The following PARP2 variants were observed in gnomAD, a reference collection of about 807,000 sequenced individuals.
PARP2 encodes the protein poly [ADP-ribose] polymerase 2.
PARP2 carries 57 observed loss-of-function variants against 77.8 expected under a neutral mutation model. That is an observed-to-expected ratio of 0.73 (90% CI 0.59 to 0.91). The LOEUF is 0.91. Among genes scored for constraint, PARP2 ranks in the 40% least tolerant of loss-of-function variants. PARP2 has a pLI of 0.00. For synonymous variants in PARP2, 226 were observed against 242.6 expected (o/e 0.93, Z 0.64); for missense variants, 651 against 689.0 (o/e 0.94, Z 0.62).
intron 5 of PARP2, 21 bp from the exon 6 acceptor site, chr14:20,351,026 T>C (rs778385906): frequency 9.4e-6 from 15 of 1,601,552 alleles, no homozygotes; most frequent in East Asian, 2.2e-5. Flanking sequence ...AACTATCTTA[T>C]GTGTGGCATT....
rs756646962 is a variant in PARP2, at chr14:20,355,970, A to G, written c.1040A>G (p.Gln347Arg). Reference sequence around the variant, plus strand: ...CAAAGCCCAGAACACCCATTGGACCAACACTATAGAAACCTACATTGTGCC... The same window carrying G: ...CAAAGCCCAGAACACCCATTGGACCGACACTATAGAAACCTACATTGTGCC... ...ELQSPEHPLD[Q>R]HYRNLHCALR... is the part of the protein sequence containing the mutation. Residue 347 changes from glutamine (Q) to arginine (R), a missense_variant, in exon 11 of 16, where the codon CAA becomes CGA. Coordinates refer to ENST00000429687, the MANE Select transcript of PARP2 (RefSeq NM_001042618.2). 6.2e-7 allele frequency: 1 copy of G among 1,614,146 alleles called. No homozygotes were observed. Among genetic ancestry groups the G allele is most frequent in the African/African-American group, 1.3e-5 (1 of 75,064 alleles).
At position 20,343,910 on chromosome 14, in the gene PARP2, C is replaced by T. The variant is rs950716501; in HGVS notation, c.46+223C>T. Among the ~76,000 whole-genome samples the T allele has an allele frequency of 2.6e-5, 4 of 152,160 alleles. No individual in the cohort carries two copies. The East Asian group carries it at 7.7e-4, about 29-fold the overall frequency. ...AGCTGTAACAACTAATGTGCCAGTA[C>T]TGTTGTTAATACCTAATGTCATCCA... On this transcript the variant is annotated intron_variant, in intron 1 of 15. Coordinates refer to ENST00000429687, the MANE Select transcript of PARP2 (RefSeq NM_001042618.2).
At position 20,343,653 on chromosome 14, in the gene PARP2, G is replaced by A. The variant is rs1385025876; in HGVS notation, c.12G>A (p.Arg4=). Residue 4 remains arginine (R), a synonymous_variant, in exon 1 of 16, where the codon CGG becomes CGA. Coordinates refer to ENST00000429687, the MANE Select transcript of PARP2 (RefSeq NM_001042618.2). ...AGCGTTCGAATTCCATGGCGGCGCG[G>A]CGGCGACGGAGCACCGGCGGCGGCA... is the stretch of plus-strand genomic sequence containing the variant. MAA[R]RRRSTGGGRA... is the part of the protein sequence containing the mutation. The A allele has an allele frequency of 6.2e-7, 1 of 1,610,556 alleles. No individual in the cohort carries two copies. The highest frequency in any genetic ancestry group is 2.2e-5 in the East Asian group (1 of 44,670).
intron 3 of PARP2, 140 bp downstream of exon 3, chr14:20,345,604 A>T: frequency 6.4e-6 from 4 of 629,538 alleles, no homozygotes; most frequent in Non-Finnish European, 1.1e-5. Flanking sequence ...GTTTTCTCTA[A>T]TGGCAAGAGA....
chr14:20,345,329 T>G, intron 2 of PARP2, 65 bp from the exon 3 acceptor site: 1 of 1,418,578 alleles, frequency 7.0e-7, no homozygotes, highest in East Asian at 2.3e-5. Flanking sequence ...TCCTGACAAG[T>G]TTCTGTTTTA....
chr14:20,355,927 C>T lies in PARP2; in HGVS notation c.997C>T (p.Leu333=), dbSNP rs1033307603. 1.9e-6 allele frequency: 3 copies of T among 1,614,048 alleles called. No individual in the cohort carries two copies. The highest frequency in any genetic ancestry group is 2.5e-6 in the Non-Finnish European group (3 of 1,180,022). The change falls in exon 11 of 16, where the codon CTG becomes TTG. Residue 333 remains leucine, a synonymous_variant. Transcript: ENST00000429687. ...ALGDIEIAIK[L]VKTELQSPEH... ...GGGAGACATTGAAATTGCTATTAAGCTGGTGAAAACAGAGCTACAAAGCCC... is the reference window on the plus strand; with the variant it reads ...GGGAGACATTGAAATTGCTATTAAGTTGGTGAAAACAGAGCTACAAAGCCC...
intron 14 of PARP2, 87 bp from the exon 15 acceptor site, chr14:20,357,309 A>G: frequency 6.7e-7 from 1 of 1,487,102 alleles, no homozygotes; most frequent in Non-Finnish European, 9.2e-7. Context: ...AGTAGGGGAA[A>G]AAAGTACTGA....
chr14:20,351,735 G>C (rs1883961579), intron 6 of PARP2, among the ~76,000 whole-genome samples: 1 of 106,360 alleles, frequency 9.4e-6, no homozygotes, highest in Admixed American at 8.5e-5. Context: ...ATTCAACTAG[G>C]GGCTGAGCAC....
In PARP2 at chr14:20,354,823, G is replaced by T; in HGVS notation, c.778G>T (p.Ala260Ser). 6.2e-7 allele frequency: 1 copy of T among 1,612,932 alleles called. No homozygotes were observed. The highest frequency in any genetic ancestry group is 1.1e-5 in the South Asian group (1 of 90,876). ...KKAPLGKLTV[A>S]QIKAGYQSLK... ...TGGGCCTGCAGGGAAGCTGACAGTG[G>T]CACAAATCAAGGCAGGTTACCAGTC... The change falls in exon 9 of 16, where the codon GCA becomes TCA. Residue 260 changes from alanine (A) to serine (S), a missense_variant. Ala to Ser is a moderately conservative substitution (Grantham distance 99). Coordinates refer to ENST00000429687, the MANE Select transcript of PARP2 (RefSeq NM_001042618.2).
chr14:20,348,472 A>C (rs1479521181), intron 4 of PARP2, among the ~76,000 whole-genome samples: 1 of 150,726 alleles, frequency 6.6e-6, no homozygotes, highest in Admixed American at 6.6e-5. Flanking sequence ...ACCTCGTGTG[A>C]TCCTCCAACC....
At position 20,354,929 on chromosome 14, in the gene PARP2, G is replaced by A; in HGVS notation, c.884G>A (p.Arg295Lys). Residue 295 changes from arginine to lysine, a missense_variant, in exon 9 of 16, where the codon AGG becomes AAG. By Grantham distance (26) the Arg-to-Lys change is conservative. Transcript: ENST00000429687. Reference sequence around the variant, plus strand: ...GAAGCATGCAATGAATTCTACACCAGGATTCCGCATGACTTTGGGTAAGGC... The same window carrying A: ...GAAGCATGCAATGAATTCTACACCAAGATTCCGCATGACTTTGGGTAAGGC... ...LMEACNEFYTRIPHDFGLRTP... is the reference protein window; with the variant it reads ...LMEACNEFYTKIPHDFGLRTP... 2 of 1,613,820 alleles carry A rather than the reference G, an allele frequency of 1.2e-6. No individual in the cohort carries two copies. Among genetic ancestry groups the A allele is most frequent in the South Asian group, 2.2e-5 (2 of 91,046 alleles).
At chr14:20,346,528 T>G (rs1364846869) in intron 3 of PARP2, 2 of 199,074 alleles carry the variant, frequency 1.0e-5, no homozygotes, top group Admixed American at 1.0e-4. Flanking sequence ...GAGACGGGGC[T>G]TCACCATGTT....
rs755009538 is a variant in PARP2, at chr14:20,355,960, C to A, written c.1030C>A (p.Pro344Thr). 6.2e-7 allele frequency: 1 copy of A among 1,613,976 alleles called. No homozygotes were observed. The highest frequency in any genetic ancestry group is 8.5e-7 in the Non-Finnish European group (1 of 1,179,850). Residue 344 changes from proline (P) to threonine (T), a missense_variant, in exon 11 of 16, where the codon CCA becomes ACA. Physicochemically the swap from Pro to Thr is conservative, Grantham distance 38. Transcript: ENST00000429687. ...AACAGAGCTACAAAGCCCAGAACAC[C>A]CATTGGACCAACACTATAGAAACCT... ...VKTELQSPEH[P>T]LDQHYRNLHC...
At chr14:20,352,020 G>A (rs1883972232) in intron 6 of PARP2, among the ~76,000 whole-genome samples, 1 of 152,198 alleles carries the variant, frequency 6.6e-6, no homozygotes, top group Non-Finnish European at 1.5e-5. Flanking sequence ...TGTTTGGGAA[G>A]GACAAGCATT....
chr14:20,345,402 A>T lies in PARP2; in HGVS notation c.211A>T (p.Lys71Ter), dbSNP rs1883678212. 6.2e-7 allele frequency: 1 copy of T among 1,613,264 alleles called. No homozygotes were observed. Among genetic ancestry groups the T allele is most frequent in the Non-Finnish European group, 8.5e-7 (1 of 1,179,362 alleles). Reference protein sequence around the residue: ...RTEDKQDESVKALLLKGKAPV... With the variant: ...RTEDKQDESV ...TATCTGTCTTTCCTCAGAATCTGTG[A>T]AGGCCTTGCTGTTAAAGGGCAAAGC... The change falls in exon 3 of 16, where the codon AAG (lysine) becomes TAG (stop). Residue 71 changes from lysine (K) to a stop codon, truncating the protein, a stop_gained. Transcript: ENST00000429687. LOFTEE classifies it high-confidence loss of function.
rs553724644 is a variant in PARP2, at chr14:20,356,651, C to T, written c.1291C>T (p.Arg431Ter). The change falls in exon 13 of 16, where the codon CGA (arginine) becomes TGA (stop). Residue 431 changes from arginine to a stop codon, truncating the protein, a stop_gained. Coordinates refer to ENST00000429687, the MANE Select transcript of PARP2 (RefSeq NM_001042618.2). LOFTEE classifies it high-confidence loss of function. Reference sequence around the variant, plus strand: ...GGTGGGAATCTTGAGCCATGGGCTTCGAATTGCCCCACCTGAAGCTCCCAT... The same window carrying T: ...GGTGGGAATCTTGAGCCATGGGCTTTGAATTGCCCCACCTGAAGCTCCCAT... ...NWVGILSHGL[R>*]IAPPEAPITG... 3.0e-5 allele frequency: 49 copies of T among 1,614,028 alleles called. No homozygotes were observed. The highest frequency in any genetic ancestry group is 1.6e-4 in the Middle Eastern group (1 of 6,062).
chr14:20,356,410 C>G lies in PARP2; in HGVS notation c.1205C>G (p.Ala402Gly). Residue 402 changes from alanine to glycine, a missense_variant, in exon 12 of 16, where the codon GCC becomes GGC. Coordinates refer to ENST00000429687, the MANE Select transcript of PARP2 (RefSeq NM_001042618.2). ...FEVEKDGEKE[A>G]FREDLHNRML... ...GTGGAGAAGGATGGTGAGAAAGAAG[C>G]CTTCAGAGAGGACCTTCATAACAGG... The G allele has an allele frequency of 6.2e-7, 1 of 1,614,152 alleles. No individual in the cohort carries two copies. Among genetic ancestry groups the G allele is most frequent in the South Asian group, 1.1e-5 (1 of 91,084 alleles).
intron 4 of PARP2, among the ~76,000 whole-genome samples, chr14:20,348,735 G>T (rs918677103): frequency 3.3e-5 from 5 of 152,028 alleles, no homozygotes; most frequent in Non-Finnish European, 5.9e-5. Flanking sequence ...ATACCTTAAG[G>T]TTAGCCAGGT....
intron 4 of PARP2, among the ~76,000 whole-genome samples, chr14:20,349,542 G>A (rs898187562): frequency 5.3e-5 from 8 of 151,774 alleles, no homozygotes; most frequent in South Asian, 2.1e-4. Flanking sequence ...GCATGGTGGC[G>A]TGTGCCTGTA....
Sources: gnomAD v4.1 joint callset for allele counts (sites outside exome capture counted in the v4.1 genomes callset) on GRCh38, gnomAD v4.1.1 for gene constraint, MANE v1.5 for transcripts, NCBI Gene and HGNC (gene_info 2026-07-23, HGNC 2026-07-21) for gene names.